Variants in MYH13 observed in about 807,000 individuals in gnomAD.
MYH13 encodes the protein myosin heavy chain 13.
In MYH13, 177 loss-of-function variants were observed where a neutral mutation model predicts 232.1. The observed-to-expected ratio is 0.76, with a 90% CI of 0.67 to 0.86. The LOEUF (loss-of-function observed/expected upper bound fraction) is 0.86, where lower values mean the gene tolerates loss of function less well. Among genes scored for constraint, MYH13 ranks in the 40% least tolerant of loss-of-function variants. The pLI is 0.00. For missense variants in MYH13, 2,246 were observed against 2,405.9 expected, an observed-to-expected ratio of 0.93 and a Z score of 1.39; for synonymous variants, 884 against 923.5, an observed-to-expected ratio of 0.96 and a Z score of 0.78.
intron 7 of MYH13, among the ~76,000 whole-genome samples, chr17:10,359,264 G>C (rs539519643): frequency 2.0e-4 from 30 of 152,292 alleles, no homozygotes; most frequent in African/African-American, 7.0e-4. Context: ...GGAAAGAAGG[G>C]CTGGAGGTTG....
rs1219750358 is a variant in MYH13 at position 10,309,403 on chromosome 17, C to T, written c.5000G>A (p.Ser1667Asn). 1 of 1,609,254 alleles carries T rather than the reference C, an allele frequency of 6.2e-7. No individual in the cohort carries two copies. Among genetic ancestry groups the T allele is most frequent in the South Asian group, 1.1e-5 (1 of 90,084 alleles). ...SQLHLDDALR[S>N]NEDLKEQLAI... ...CAGCTGCTCCTTGAGGTCCTCATTGCTCCTCAGGGCGTCATCGAGATGCAG... is the reference window on the plus strand; with the variant it reads ...CAGCTGCTCCTTGAGGTCCTCATTGTTCCTCAGGGCGTCATCGAGATGCAG... Residue 1667 changes from serine (S) to asparagine (N), a missense_variant, in exon 35 of 41, where the codon AGC becomes AAC. Physicochemically the swap from Ser to Asn is conservative, Grantham distance 46. Transcript: ENST00000252172.
chr17:10,331,282 A>G (rs1350286834), intron 20 of MYH13, among the ~76,000 whole-genome samples: 1 of 152,166 alleles, frequency 6.6e-6, no homozygotes, highest in Non-Finnish European at 1.5e-5. Context: ...TTCCAGGGAA[A>G]CTAAGCACCC....
At position 10,319,110 on chromosome 17, in the gene MYH13, G is replaced by C; in HGVS notation, c.3418C>G (p.Arg1140Gly). ...HTLRAKIEKQRSDLARELEEI... is the reference protein window; with the variant it reads ...HTLRAKIEKQGSDLARELEEI... ...TCCAGTTCCCTGGCCAGATCTGAGCGCTGCTTCTCAATCTTGGCTCTGAGC... is the reference window on the plus strand; with the variant it reads ...TCCAGTTCCCTGGCCAGATCTGAGCCCTGCTTCTCAATCTTGGCTCTGAGC... The change falls in exon 27 of 41, where the codon CGC (arginine) becomes GGC (glycine). Residue 1140 changes from arginine to glycine, a missense_variant. Transcript: ENST00000252172. 6.2e-7 allele frequency: 1 copy of C among 1,614,116 alleles called. No homozygotes were observed. The highest frequency in any genetic ancestry group is 8.5e-7 in the Non-Finnish European group (1 of 1,180,040).
At chr17:10,320,703 A>T (rs1040253557) in intron 24 of MYH13, among the ~76,000 whole-genome samples, 1 of 152,090 alleles carries the variant, frequency 6.6e-6, no homozygotes, top group African/African-American at 2.4e-5. Flanking sequence ...GTGGGGCTGG[A>T]TCCCTCAGGG....
At chr17:10,361,742 G>T (rs966226669) in intron 5 of MYH13, among the ~76,000 whole-genome samples, 3 of 152,358 alleles carry the variant, frequency 2.0e-5, no homozygotes, top group African/African-American at 7.2e-5. Context: ...GGGAGCCTGA[G>T]TTTGGGGAAG....
rs57432823 is a variant in MYH13, at chr17:10,308,443, CTTTTTT to C, written c.5169+785_5169+790del. On this transcript the variant is annotated intron_variant, in intron 35 of 40. Coordinates refer to ENST00000252172, the MANE Select transcript of MYH13 (RefSeq NM_003802.3). ...TATATGTATTTATTTTTAATTAAAA[CTTTTTT>C]TTTTTTTTTTTTTTTTGTAGAGACA... Among the ~76,000 whole-genome samples, 683 of 113,122 alleles carry C rather than the reference CTTTTTT, an allele frequency of 6.0e-3. 2 individuals are homozygous for C. The Middle Eastern group carries it at 0.088, about 15-fold the overall frequency. 74.2% of individuals were successfully genotyped at this position (113,122 alleles called of 152,430 possible). A position where few individuals can be genotyped will look rare whatever the true frequency, so the allele number is the denominator to read the frequency against.
chr17:10,363,960 A>G (rs1240942137), intron 3 of MYH13, among the ~76,000 whole-genome samples: 4 of 152,194 alleles, frequency 2.6e-5, no homozygotes, highest in Admixed American at 2.6e-4. Flanking sequence ...CTCCACATTA[A>G]GTGAGTCAAT....
intron 16 of MYH13, among the ~76,000 whole-genome samples, chr17:10,342,053 T>A (rs1567667091): frequency 6.6e-6 from 1 of 152,120 alleles, no homozygotes; most frequent in Non-Finnish European, 1.5e-5. Context: ...GTGTTACTTA[T>A]TTATTTGTTT....
At chr17:10,316,439 C>T (rs940491001) in intron 27 of MYH13, among the ~76,000 whole-genome samples, 2 of 151,380 alleles carry the variant, frequency 1.3e-5, no homozygotes, top group Admixed American at 6.6e-5. Flanking sequence ...CTAGCCTTGG[C>T]GGCAAGAGTG....
intron 21 of MYH13, among the ~76,000 whole-genome samples, chr17:10,329,189 G>A (rs1463566310): frequency 6.6e-6 from 1 of 152,128 alleles, no homozygotes; most frequent in African/African-American, 2.4e-5. Flanking sequence ...ATACATGGTG[G>A]CGGTTCATTA....
In MYH13 at chr17:10,357,822, G is replaced by A. The variant is rs1012519977; in HGVS notation, c.651C>T (p.Thr217=). 1.2e-6 allele frequency: 2 copies of A among 1,612,938 alleles called. No individual in the cohort carries two copies. The highest frequency in any genetic ancestry group is 2.7e-5 in the African/African-American group (2 of 74,828). The change falls in exon 8 of 41, where the codon ACC becomes ACT. Residue 217 remains threonine (T), a synonymous_variant. Transcript: ENST00000252172. ...TGGCCTGGATGATCTGATCCTCTAG[G>A]GTTCCCTAATAATAAACAAGAAGAG... is the stretch of plus-strand genomic sequence containing the variant. ...KETQPGKMQG[T]LEDQIIQANP... is the part of the protein sequence containing the mutation.
Position 10,309,512 on chromosome 17 carries a change from C to G in MYH13, c.4965+10G>C. 3 of 1,602,858 alleles carry G rather than the reference C, an allele frequency of 1.9e-6. No individual in the cohort carries two copies. Among genetic ancestry groups the G allele is most frequent in the Non-Finnish European group, 2.6e-6 (3 of 1,173,744 alleles). On this transcript the variant is annotated intron_variant, in intron 34 of 40. Coordinates refer to ENST00000252172, the MANE Select transcript of MYH13 (RefSeq NM_003802.3). ...CCGTCCAGGTACGCAGAGGCGGCCA[C>G]CGTGCTCACCTTGAGCTGGCCCTGG...
chr17:10,313,184 C>T lies in MYH13; in HGVS notation c.4155G>A (p.Gln1385=), dbSNP rs1452871835. 2.5e-6 allele frequency: 4 copies of T among 1,614,058 alleles called. No homozygotes were observed. The African/African-American group carries it at 5.3e-5, about 22-fold the overall frequency. Residue 1385 remains glutamine, a synonymous_variant, in exon 30 of 41, where the codon CAG becomes CAA. Coordinates refer to ENST00000252172, the MANE Select transcript of MYH13 (RefSeq NM_003802.3). ...WRTKYETDAI[Q]RTEELEEAKK... ...TGGCCTCCTCCAGCTCCTCTGTGCG[C>T]TGAATGGCGTCCGTCTCGTATTTGG...
At chr17:10,327,334 TG>T (rs1300714998) in intron 22 of MYH13, among the ~76,000 whole-genome samples, 1 of 151,224 alleles carries the variant, frequency 6.6e-6, no homozygotes, top group Non-Finnish European at 1.5e-5. Flanking sequence ...TTTACAGAGA[TG>T]GGGTTTTGCC....
rs540868791 is a variant in MYH13, at chr17:10,322,762, T to G, written c.2935-1054A>C. 3.2e-4 allele frequency among the ~76,000 whole-genome samples: 49 copies of G among 151,168 alleles called. 1 individual carries two copies. In the South Asian group the frequency reaches 5.7e-3, roughly 18 times the overall value. On this transcript the variant is annotated intron_variant, in intron 23 of 40. Coordinates refer to ENST00000252172, the MANE Select transcript of MYH13 (RefSeq NM_003802.3). ...CATTCTCCGGCCTCAGCCTCCTGAG[T>G]AGCTGGGACTACAGGCGTCCGCCAC...
chr17:10,330,814 C>T lies in MYH13; in HGVS notation c.2299-291G>A, dbSNP rs928385128. ...AGGTGATCATTTGAGGTCAGGAGTT[C>T]GAGACCAGCCTGGCCAACATGGTGA... is the stretch of plus-strand genomic sequence containing the variant. On this transcript the variant is annotated intron_variant, in intron 20 of 40. Transcript: ENST00000252172. Among the ~76,000 whole-genome samples the T allele has an allele frequency of 3.3e-5, 5 of 151,930 alleles. 1 individual carries two copies. The highest frequency in any genetic ancestry group is 7.2e-5 in the African/African-American group (3 of 41,448).
In MYH13 at chr17:10,312,748, C is replaced by A; in HGVS notation, c.4191G>T (p.Leu1397=). 6.2e-7 allele frequency: 1 copy of A among 1,604,836 alleles called. No homozygotes were observed. Residue 1397 remains leucine, a synonymous_variant, in exon 31 of 41, where the codon CTG becomes CTT. Transcript: ENST00000252172. ...TEELEEAKKK[L]AQRLQEAEEN... is the part of the protein sequence containing the mutation. ...CCTCTGCTTCCTGGAGCCTCTGGGC[C>A]AGTTTTTTCCTACGAAAACCAGATT...
chr17:10,340,326 A>G lies in MYH13; in HGVS notation c.1968+2T>C. On this transcript the variant is annotated splice_donor_variant, in intron 17 of 40. Coordinates refer to ENST00000252172, the MANE Select transcript of MYH13 (RefSeq NM_003802.3). LOFTEE classifies it high-confidence loss of function. ...GAATATGGAAGCTGCCAAAACACCA[A>G]CCCTGAACACGGCCGACACGGTCTG... is the stretch of plus-strand genomic sequence containing the variant. 1 of 1,613,824 alleles carries G rather than the reference A, an allele frequency of 6.2e-7. No homozygotes were observed. Among genetic ancestry groups the G allele is most frequent in the Non-Finnish European group, 8.5e-7 (1 of 1,179,838 alleles).
chr17:10,322,675 C>T (rs1298320017), intron 23 of MYH13, among the ~76,000 whole-genome samples: 2 of 147,618 alleles, frequency 1.4e-5, no homozygotes, highest in East Asian at 2.0e-4. Flanking sequence ...ACTCTGTCGC[C>T]CAGGCTGGAG....
Sources: gnomAD v4.1 joint callset for allele counts (sites outside exome capture counted in the v4.1 genomes callset) on GRCh38, gnomAD v4.1.1 for gene constraint, MANE v1.5 for transcripts, NCBI Gene and HGNC (gene_info 2026-07-23, HGNC 2026-07-21) for gene names.